Variants in PAX7 observed in about 807,000 individuals in gnomAD.
The protein encoded by PAX7 is paired box protein Pax-7.
A neutral mutation model predicts 50.7 loss-of-function variants in PAX7; 18 were observed. That is an observed-to-expected ratio of 0.36 (90% CI 0.25 to 0.53). The LOEUF (loss-of-function observed/expected upper bound fraction) is 0.53, where lower values mean the gene tolerates loss of function less well. PAX7 is among the 20% of genes least tolerant of loss of function. PAX7 has a pLI of 0.93. For synonymous variants in PAX7, 310 were observed against 290.4 expected, an observed-to-expected ratio of 1.07 and a Z score of -0.69; for missense variants, 644 against 702.9, an observed-to-expected ratio of 0.92 and a Z score of 0.95.
chr1:18,712,631 G>A (rs1570211674), intron 7 of PAX7, among the ~76,000 whole-genome samples: 1 of 152,222 alleles, frequency 6.6e-6, no homozygotes, highest in South Asian at 2.1e-4. Flanking sequence ...GGCTTTCAGG[G>A]TGACATTAGA....
chr1:18,647,034 C>G (rs1398844195), intron 4 of PAX7, among the ~76,000 whole-genome samples: 11 of 36,662 alleles, frequency 3.0e-4, no homozygotes, highest in Non-Finnish European at 4.3e-4. Flanking sequence ...GGGGGAAGGG[C>G]TGGAGGGGGA....
Position 18,634,469 on chromosome 1 carries a change from C to T in PAX7, c.252C>T (p.Ser84=), listed in dbSNP as rs771729343. 3 of 1,614,046 alleles carry T rather than the reference C, an allele frequency of 1.9e-6. No homozygotes were observed. The highest frequency in any genetic ancestry group is 2.5e-6 in the Non-Finnish European group (3 of 1,180,052). Residue 84 remains serine (S), a synonymous_variant, in exon 2 of 9, where the codon TCC becomes TCT. Coordinates refer to ENST00000420770, the MANE Select transcript of PAX7 (RefSeq NM_001135254.2). The surrounding 1 kb of genome is among the most constrained non-coding windows in gnomAD (Gnocchi z 4.0). ...TGCGTGTCTCCCACGGCTGCGTCTCCAAGATTCTTTGCCGCTACCAGGAGA... is the reference window on the plus strand; with the variant it reads ...TGCGTGTCTCCCACGGCTGCGTCTCTAAGATTCTTTGCCGCTACCAGGAGA... The part of the protein sequence containing the change: ...RQLRVSHGCV[S]KILCRYQETG...
At chr1:18,645,400 C>T (rs1030830101) in intron 4 of PAX7, among the ~76,000 whole-genome samples, 1 of 152,198 alleles carries the variant, frequency 6.6e-6, no homozygotes, top group Non-Finnish European at 1.5e-5. Flanking sequence ...AGGGGTGGGG[C>T]GGCGGGCGCG....
At chr1:18,656,064 A>G (rs1484307083) in intron 4 of PAX7, among the ~76,000 whole-genome samples, 1 of 152,156 alleles carries the variant, frequency 6.6e-6, no homozygotes. Flanking sequence ...CGATATGGGT[A>G]TTGTCATAAC....
intron 4 of PAX7, among the ~76,000 whole-genome samples, chr1:18,673,931 T>C (rs2088788981): frequency 2.0e-5 from 3 of 152,254 alleles, no homozygotes. Context: ...CTCTTGGAAC[T>C]GTTCAGCTGG....
chr1:18,683,685 C>T (rs2088931448), intron 4 of PAX7, among the ~76,000 whole-genome samples: 1 of 152,130 alleles, frequency 6.6e-6, no homozygotes, highest in South Asian at 2.1e-4. Context: ...GCTAAAAATA[C>T]AAAAATTAGT....
chr1:18,677,051 G>A (rs1203973720), intron 4 of PAX7, among the ~76,000 whole-genome samples: 1 of 152,230 alleles, frequency 6.6e-6, no homozygotes, highest in Non-Finnish European at 1.5e-5. Context: ...TGGGCAAGGT[G>A]AAGAGTCCTC....
chr1:18,729,614 C>T (rs995612656), intron 7 of PAX7, among the ~76,000 whole-genome samples: 1 of 152,204 alleles, frequency 6.6e-6, no homozygotes, highest in African/African-American at 2.4e-5. Context: ...ATGGACTCAT[C>T]GTCCTGGATT....
chr1:18,710,488 C>T (rs1456057303), intron 7 of PAX7, among the ~76,000 whole-genome samples: 1 of 151,546 alleles, frequency 6.6e-6, no homozygotes, highest in Non-Finnish European at 1.5e-5. Context: ...GAGGAGGGAG[C>T]GAGAGATTTG....
At chr1:18,733,254 C>A (rs536375657) in intron 7 of PAX7, among the ~76,000 whole-genome samples, 99 of 152,302 alleles carry the variant, frequency 6.5e-4, no homozygotes, top group African/African-American at 2.3e-3. Context: ...CATACCACTA[C>A]CCCAGCACCC....
Position 18,634,615 on chromosome 1 carries a change from C to T in PAX7, c.321+77C>T, listed in dbSNP as rs2088115582. On this transcript the variant is annotated intron_variant, in intron 2 of 8. Transcript: ENST00000420770. The surrounding 1 kb of genome is among the most constrained non-coding windows in gnomAD (Gnocchi z 4.0). ...TCCTGGTTGTGGCCCCTCTTACTACCTCGTGGCACCAGGCTGTAGGAAAGT... is the reference window on the plus strand; with the variant it reads ...TCCTGGTTGTGGCCCCTCTTACTACTTCGTGGCACCAGGCTGTAGGAAAGT... 3 of 1,177,994 alleles carry T rather than the reference C, an allele frequency of 2.5e-6. No homozygotes were observed. The highest frequency in any genetic ancestry group is 4.8e-5 in the East Asian group (2 of 42,104). The allele number at this position is 1,177,994 out of a possible 1,614,324, so 73.0% of individuals were successfully genotyped here. A position where few individuals can be genotyped will look rare whatever the true frequency, so the allele number is the denominator to read the frequency against.
At chr1:18,647,129 G>T (rs1485355708) in intron 4 of PAX7, among the ~76,000 whole-genome samples, 1 of 152,078 alleles carries the variant, frequency 6.6e-6, no homozygotes, top group Non-Finnish European at 1.5e-5. Context: ...CGGGCGAGGG[G>T]AGCCGGGCCC....
At position 18,738,171 on chromosome 1, in the gene PAX7, T is replaced by A. The variant is rs542918515; in HGVS notation, c.1402+2293T>A. On this transcript the variant is annotated intron_variant, in intron 8 of 8. Coordinates refer to ENST00000420770, the MANE Select transcript of PAX7 (RefSeq NM_001135254.2). ...GTGTGTGTGTGTGTGAATGTGTACGTGGGGGTCTGCATGTATATTTGAGAG... is the reference window on the plus strand; with the variant it reads ...GTGTGTGTGTGTGTGAATGTGTACGAGGGGGTCTGCATGTATATTTGAGAG... Among the ~76,000 whole-genome samples the A allele has an allele frequency of 3.3e-5, 5 of 152,232 alleles. No individual in the cohort carries two copies. In the East Asian group the frequency reaches 9.6e-4, roughly 29 times the overall value.
chr1:18,744,324 C>T (rs1931304285), intron 8 of PAX7, among the ~76,000 whole-genome samples: 1 of 152,094 alleles, frequency 6.6e-6, no homozygotes, highest in Non-Finnish European at 1.5e-5. Flanking sequence ...CTGTGCCTCC[C>T]TAGGAACTTA....
intron 4 of PAX7, among the ~76,000 whole-genome samples, chr1:18,663,709 T>C (rs1041540400): frequency 3.9e-5 from 6 of 152,246 alleles, no homozygotes; most frequent in African/African-American, 1.2e-4. Flanking sequence ...TTGGGTTTTC[T>C]GACTCTCAAT....
chr1:18,639,520 G>T lies in PAX7; in HGVS notation c.586+3149G>T, dbSNP rs142822612. On this transcript the variant is annotated intron_variant, in intron 4 of 8. Transcript: ENST00000420770. The stretch of plus-strand genomic sequence containing the variant: ...CTTGGCTCACCTGGAAAGGGAAGTG[G>T]ACAGTTCCTTGCCCCCATGCACTTA... Among the ~76,000 whole-genome samples the T allele has an allele frequency of 1.9e-4, 29 of 152,168 alleles. No individual in the cohort carries two copies. In the East Asian group the frequency reaches 5.6e-3, roughly 29 times the overall value.
intron 7 of PAX7, among the ~76,000 whole-genome samples, chr1:18,718,523 C>T (rs770590043): frequency 1.3e-5 from 2 of 152,126 alleles, no homozygotes; most frequent in East Asian, 1.9e-4. Flanking sequence ...CATGGATTAG[C>T]GAGGTTCCAT....
chr1:18,651,824 C>A (rs2088436588), intron 4 of PAX7, among the ~76,000 whole-genome samples: 2 of 145,176 alleles, frequency 1.4e-5, no homozygotes, highest in South Asian at 4.5e-4. Flanking sequence ...CCTCCCCGCC[C>A]CCCCCACCCC....
At chr1:18,742,049 A>G (rs992317288) in intron 8 of PAX7, among the ~76,000 whole-genome samples, 1 of 152,136 alleles carries the variant, frequency 6.6e-6, no homozygotes, top group Non-Finnish European at 1.5e-5. Context: ...ATGGAAAATG[A>G]GCACAAAATG....
Sources: gnomAD v4.1 joint callset for allele counts (sites outside exome capture counted in the v4.1 genomes callset) on GRCh38, gnomAD v4.1.1 for gene constraint, Gnocchi (gnomAD v3.1) non-coding constraint, MANE v1.5 for transcripts, NCBI Gene and HGNC (gene_info 2026-07-23, HGNC 2026-07-21) for gene names.